The following CHRDL1 variants were observed in gnomAD, a reference collection of about 807,000 sequenced individuals.
CHRDL1 encodes chordin-like protein 1.
Under a neutral mutation model 40.9 loss-of-function variants are expected in CHRDL1, and 19 were observed. The ratio of observed to expected loss-of-function variants is 0.46; its 90% CI spans 0.32 to 0.68. CHRDL1 has a LOEUF of 0.68. Among genes scored for constraint, CHRDL1 ranks in the 30% least tolerant of loss-of-function variants. The pLI, the probability that CHRDL1 is intolerant of heterozygous loss-of-function variation, is 0.03. For missense variants in CHRDL1, 329 were observed against 352.1 expected, an observed-to-expected ratio of 0.93 and a Z score of 0.53; for synonymous variants, 136 against 123.4, an observed-to-expected ratio of 1.10 and a Z score of -0.68.
chrX:110,771,048 G>C (rs1410648410), intron 2 of CHRDL1, among the ~76,000 whole-genome samples: 2 of 109,357 alleles, frequency 1.8e-5, no homozygotes, highest in African/African-American at 6.7e-5. Context: ...GGGAGGCTGA[G>C]GCAGGAGAAT....
At chrX:110,758,546 C>G (rs2089500573) in intron 4 of CHRDL1, among the ~76,000 whole-genome samples, 1 of 111,227 alleles carries the variant, frequency 9.0e-6, no homozygotes, top group South Asian at 3.8e-4. Flanking sequence ...AAAAATTCTC[C>G]ACTCTTGGAA....
At chrX:110,786,233 A>AC (rs1304428087) in intron 2 of CHRDL1, among the ~76,000 whole-genome samples, 1 of 112,259 alleles carries the variant, frequency 8.9e-6, no homozygotes, top group Admixed American at 9.4e-5. Flanking sequence ...AATCTACTAA[A>AC]CCAAATGTTA....
chrX:110,703,191 G>A (rs1425931183), intron 6 of CHRDL1, among the ~76,000 whole-genome samples: 3 of 111,685 alleles, frequency 2.7e-5, no homozygotes, highest in African/African-American at 9.8e-5. Flanking sequence ...GGGGGCTGGT[G>A]ATCCTGGGTT....
At chrX:110,740,323 T>C (rs2071337960) in intron 4 of CHRDL1, among the ~76,000 whole-genome samples, 1 of 112,601 alleles carries the variant, frequency 8.9e-6, no homozygotes, top group South Asian at 3.7e-4. Flanking sequence ...CCCTGTCCTG[T>C]AGAAGTCAAG....
At chrX:110,677,646 G>A (rs140242411) in intron 11 of CHRDL1, among the ~76,000 whole-genome samples, 1 of 111,606 alleles carries the variant, frequency 9.0e-6, no homozygotes, top group Non-Finnish European at 1.9e-5. Flanking sequence ...TTACTCACAT[G>A]TAAGGACTCC....
rs1181381151 is a variant in CHRDL1, at chrX:110,777,095, A to T, written c.95-14288T>A. Among the ~76,000 whole-genome samples the T allele has an allele frequency of 4.5e-5, 5 of 111,635 alleles. No individual in the cohort carries two copies. In the Admixed American group the frequency reaches 4.8e-4, roughly 11 times the overall value. ...GAATGTCATATAGTTGGAATCAAAC[A>T]GTATGTAGCCTTTTCAGATTGGCTT... On this transcript the variant is annotated intron_variant, in intron 2 of 11. Transcript: ENST00000372042.
At chrX:110,703,713 A>G (rs1336817967) in intron 6 of CHRDL1, among the ~76,000 whole-genome samples, 1 of 112,370 alleles carries the variant, frequency 8.9e-6, no homozygotes. Flanking sequence ...ATGAGTGAGC[A>G]GTCAGATGTA....
chrX:110,789,586 A>G lies in CHRDL1; in HGVS notation c.94+2502T>C, dbSNP rs543490613. On this transcript the variant is annotated intron_variant, in intron 2 of 11. Transcript: ENST00000372042. ...CAAGCATTAGAAAGAATATGGCACT[A>G]TTACATTGCAATGTATTGACATGGA... Among the ~76,000 whole-genome samples, 20 of 112,708 alleles carry G rather than the reference A, an allele frequency of 1.8e-4. No homozygotes were observed. The South Asian group carries it at 6.9e-3, about 39-fold the overall frequency.
intron 8 of CHRDL1, among the ~76,000 whole-genome samples, chrX:110,693,665 A>T (rs2070325870): frequency 9.0e-6 from 1 of 111,502 alleles, no homozygotes; most frequent in African/African-American, 3.3e-5. Context: ...GTTTCTAAGG[A>T]TAGTCTCATA....
Position 110,675,079 on chromosome X carries a change from A to G in CHRDL1, c.*1152T>C, listed in dbSNP as rs1484764881. On this transcript the variant is annotated 3_prime_UTR_variant, in exon 12 of 12. Coordinates refer to ENST00000372042, the MANE Select transcript of CHRDL1 (RefSeq NM_001143981.2). ...CAATTTTCTTAACTGAAGAGTCAAC[A>G]TGCAGATGCTCATGAGGACCGAGCC... 1 of 112,094 alleles carries G rather than the reference A, an allele frequency of 8.9e-6. No homozygotes were observed. The highest frequency in any genetic ancestry group is 1.9e-5 in the Non-Finnish European group (1 of 53,239). The allele number at this position is 112,094 out of a possible 1,213,427, so 9.2% of individuals were successfully genotyped here.
rs372347083 is a variant in CHRDL1 at position 110,695,028 on chromosome X, AT to A, written c.610-698del. Among the ~76,000 whole-genome samples the A allele has an allele frequency of 2.8e-3, 299 of 106,416 alleles. 2 individuals are homozygous for A. Among genetic ancestry groups the A allele is most frequent in the Non-Finnish European group, 4.1e-3 (209 of 51,168 alleles). 92.4% of individuals were successfully genotyped at this position (106,416 alleles called of 115,157 possible). A position where few individuals can be genotyped will look rare whatever the true frequency, so the allele number is the denominator to read the frequency against. ...GTGAGGGCATAGAAGGCTTTGAGGG[AT>A]TTTTTTTTTTAAAGTTAGAGAAATA... is the stretch of plus-strand genomic sequence containing the variant. On this transcript the variant is annotated intron_variant, in intron 7 of 11. Transcript: ENST00000372042.
chrX:110,747,039 C>T (rs1244129882), intron 4 of CHRDL1, among the ~76,000 whole-genome samples: 4 of 105,650 alleles, frequency 3.8e-5, no homozygotes, highest in Admixed American at 9.8e-5. Flanking sequence ...TCTTTATTGG[C>T]CCCCCCTGCC....
intron 10 of CHRDL1, among the ~76,000 whole-genome samples, chrX:110,680,303 T>A (rs1026414325): frequency 3.6e-5 from 4 of 111,760 alleles, no homozygotes; most frequent in African/African-American, 1.3e-4. Context: ...AGGTGTCCTG[T>A]TATGGATGAG....
chrX:110,792,767 T>C (rs1292345020), intron 1 of CHRDL1, among the ~76,000 whole-genome samples: 1 of 112,569 alleles, frequency 8.9e-6, no homozygotes, highest in Non-Finnish European at 1.9e-5. Flanking sequence ...AAGATAGATG[T>C]AATTAGCAAA....
At chrX:110,795,310 G>A (rs2090163035) in intron 1 of CHRDL1, among the ~76,000 whole-genome samples, 1 of 111,663 alleles carries the variant, frequency 9.0e-6, no homozygotes, top group Non-Finnish European at 1.9e-5. Flanking sequence ...ATGGCCAGAG[G>A]ATAGGATAGG....
chrX:110,679,794 G>A (rs2069856703), intron 10 of CHRDL1, among the ~76,000 whole-genome samples: 1 of 112,024 alleles, frequency 8.9e-6, no homozygotes, highest in Non-Finnish European at 1.9e-5. Context: ...GATAGACTGT[G>A]TCCATGCCAA....
intron 2 of CHRDL1, among the ~76,000 whole-genome samples, chrX:110,776,036 C>A (rs1416089386): frequency 1.8e-5 from 2 of 111,906 alleles, no homozygotes; most frequent in African/African-American, 6.4e-5. Flanking sequence ...CCCTTCCATT[C>A]CTTATTACAC....
At position 110,751,768 on chromosome X, in the gene CHRDL1, T is replaced by G. The variant is rs773040641; in HGVS notation, c.301+7893A>C. On this transcript the variant is annotated intron_variant, in intron 4 of 11. Transcript: ENST00000372042. ...CTATATGATCCAGCAATCCTACTAC[T>G]GGGTATATATCCAAAAAAAGGGAAA... is the stretch of plus-strand genomic sequence containing the variant. 7.2e-5 allele frequency among the ~76,000 whole-genome samples: 8 copies of G among 111,620 alleles called. No homozygotes were observed. In the East Asian group the frequency reaches 2.0e-3, roughly 28 times the overall value.
At chrX:110,763,538 CAT>C (rs750708016) in intron 2 of CHRDL1, among the ~76,000 whole-genome samples, 1,155 of 98,049 alleles carry the variant, frequency 0.012, 3 homozygotes, top group Middle Eastern at 0.015. Context: ...TCAATAGAAA[CAT>C]ATATATATAT....
Sources: gnomAD v4.1 joint callset for allele counts (sites outside exome capture counted in the v4.1 genomes callset) on GRCh38, gnomAD v4.1.1 for gene constraint, MANE v1.5 for transcripts, NCBI Gene and HGNC (gene_info 2026-07-23, HGNC 2026-07-21) for gene names.